Variants in TULP4 observed in about 807,000 individuals in gnomAD.
The protein encoded by TULP4 is tubby-related protein 4.
In TULP4, 16 loss-of-function variants were observed where a neutral mutation model predicts 129.0. The observed-to-expected ratio is 0.12, with a 90% CI of 0.08 to 0.19. The LOEUF is 0.19. TULP4 is among the 10% of genes least tolerant of loss of function. The pLI, the probability that TULP4 is intolerant of heterozygous loss-of-function variation, is 1.00. For missense variants in TULP4, 1,842 were observed against 2,059.1 expected (o/e 0.89, Z 2.04); for synonymous variants, 998 against 854.0 (o/e 1.17, Z -2.94).
At chr6:158,294,486 G>A (rs1380117888) in intron 1 of TULP4, among the ~76,000 whole-genome samples, 1 of 152,188 alleles carries the variant, frequency 6.6e-6, no homozygotes, top group Non-Finnish European at 1.5e-5. Flanking sequence ...GGAGGCCTGG[G>A]TGTGGAGAGG....
chr6:158,259,447 A>G (rs968170345), intron 1 of TULP4, among the ~76,000 whole-genome samples: 10 of 152,202 alleles, frequency 6.6e-5, no homozygotes, highest in African/African-American at 2.2e-4. Context: ...TGAGAACTCT[A>G]TGGAATTCAG....
intron 1 of TULP4, among the ~76,000 whole-genome samples, chr6:158,369,183 G>A (rs1034507153): frequency 1.3e-5 from 2 of 152,110 alleles, no homozygotes; most frequent in Admixed American, 6.5e-5. Flanking sequence ...TACAAGGGAG[G>A]AAAATTGAGT....
chr6:158,365,895 C>CTT (rs1780938521), intron 1 of TULP4, among the ~76,000 whole-genome samples: 2 of 78,304 alleles, frequency 2.6e-5, no homozygotes, highest in Admixed American at 1.5e-4. Context: ...TTTTCTTTTT[C>CTT]TTTCTTTTTT....
chr6:158,235,387 A>G (rs1346300044), intron 1 of TULP4, among the ~76,000 whole-genome samples: 1 of 151,562 alleles, frequency 6.6e-6, no homozygotes. Context: ...GAATTTGACT[A>G]CTCTAGGTAC....
chr6:158,265,333 T>C (rs1411017015), intron 1 of TULP4, among the ~76,000 whole-genome samples: 1 of 152,158 alleles, frequency 6.6e-6, no homozygotes, highest in Non-Finnish European at 1.5e-5. Context: ...TACTTGCTTA[T>C]TTAGAGCTTA....
Position 158,502,818 on chromosome 6 carries a change from C to T in TULP4, c.3155C>T (p.Ser1052Phe). 6.2e-7 allele frequency: 1 copy of T among 1,612,546 alleles called. No individual in the cohort carries two copies. The highest frequency in any genetic ancestry group is 8.5e-7 in the Non-Finnish European group (1 of 1,179,872). The change falls in exon 13 of 14, where the codon TCC becomes TTC. Residue 1052 changes from serine to phenylalanine, a missense_variant. By Grantham distance (155) the Ser-to-Phe change is radical. Around this residue, in one of 5 missense-constraint regions of TULP4, gnomAD observed 1,089 missense variants for 987.1 expected, o/e 1.10. Coordinates refer to ENST00000367097, the MANE Select transcript of TULP4 (RefSeq NM_020245.5). ...GTGPSSQPGA[S>F]LAHTASASPL... ...GGGCCCAGCTCACAGCCCGGAGCCT[C>T]CCTGGCCCATACCGCCAGCGCCTCC...
intron 1 of TULP4, among the ~76,000 whole-genome samples, chr6:158,284,462 G>GAT (rs771407767): frequency 1.3e-5 from 2 of 152,310 alleles, no homozygotes; most frequent in Non-Finnish European, 2.9e-5. Context: ...GAAGAGCTGG[G>GAT]GATATGCTGA....
At chr6:158,232,927 C>G (rs979065579) in intron 1 of TULP4, among the ~76,000 whole-genome samples, 1 of 152,246 alleles carries the variant, frequency 6.6e-6, no homozygotes, top group Non-Finnish European at 1.5e-5. Context: ...TGTCTGGAGT[C>G]TGTGCTGTTT....
chr6:158,493,807 C>T lies in TULP4; in HGVS notation c.1776+90C>T. 7.2e-7 allele frequency: 1 copy of T among 1,383,334 alleles called. No homozygotes were observed. The highest frequency in any genetic ancestry group is 9.6e-7 in the Non-Finnish European group (1 of 1,044,598). 85.7% of individuals were successfully genotyped at this position (1,383,334 alleles called of 1,614,324 possible). ...TCCTACCCGCCGCCTGCACTGCTCA[C>T]TGCCACCATGGGTCCCTGAGCTCTG... On this transcript the variant is annotated intron_variant, in intron 10 of 13. Coordinates refer to ENST00000367097, the MANE Select transcript of TULP4 (RefSeq NM_020245.5). This position sits in a 1 kb window ranked among gnomAD's most constrained non-coding sequence, Gnocchi z 4.4.
At chr6:158,340,612 C>G (rs768468701) in intron 1 of TULP4, among the ~76,000 whole-genome samples, 1 of 152,192 alleles carries the variant, frequency 6.6e-6, no homozygotes, top group Non-Finnish European at 1.5e-5. Context: ...GCCTGCCCTC[C>G]TGGAGTTCCC....
chr6:158,413,190 G>A lies in TULP4; in HGVS notation c.378G>A (p.Ala126=), dbSNP rs145080677. 4.5e-4 allele frequency: 723 copies of A among 1,610,936 alleles called. 1 individual carries two copies. The highest frequency in any genetic ancestry group is 5.5e-4 in the Non-Finnish European group (648 of 1,177,786). The change falls in exon 2 of 14, where the codon GCG becomes GCA. Residue 126 remains alanine (A), a synonymous_variant. Coordinates refer to ENST00000367097, the MANE Select transcript of TULP4 (RefSeq NM_020245.5). This position sits in a 1 kb window ranked among gnomAD's most constrained non-coding sequence, Gnocchi z 4.9. ...TGGAGCTGGTCAACGACCGCGGGGC[G>A]CAGGTGAGTGGCAGGCGCAGCTCTG... ...WSVELVNDRG[A]QVSDFTWSHD... is the part of the protein sequence containing the mutation.
intron 1 of TULP4, among the ~76,000 whole-genome samples, chr6:158,298,603 C>G (rs1278852037): frequency 2.6e-5 from 4 of 152,180 alleles, no homozygotes; most frequent in Non-Finnish European, 4.4e-5. Flanking sequence ...CAACATTATA[C>G]TTTTCCTGGA....
intron 1 of TULP4, among the ~76,000 whole-genome samples, chr6:158,237,016 G>C (rs187126102): frequency 2.9e-4 from 44 of 151,540 alleles, no homozygotes; most frequent in African/African-American, 1.0e-3. Flanking sequence ...TCACTGTGTT[G>C]GCCAGGCTGG....
intron 5 of TULP4, 117 bp from the exon 6 acceptor site, chr6:158,461,446 T>A: frequency 1.0e-6 from 1 of 974,624 alleles, no homozygotes; most frequent in Non-Finnish European, 1.5e-6. Flanking sequence ...CATGAATATA[T>A]TTTTGTTGTA....
Position 158,502,334 on chromosome 6 carries a change from T to G in TULP4, c.2671T>G (p.Phe891Val). ...TPLGYERITT[F>V]DSSGNVEEVC... ...CCTGGGCTATGAGAGGATCACCACCTTCGACAGCAGTGGCAACGTGGAGGA... is the reference window on the plus strand; with the variant it reads ...CCTGGGCTATGAGAGGATCACCACCGTCGACAGCAGTGGCAACGTGGAGGA... The change falls in exon 13 of 14, where the codon TTC becomes GTC. Residue 891 changes from phenylalanine (F) to valine (V), a missense_variant. This residue lies in a region of TULP4 where 1,089 missense variants were observed against 987.1 expected (regional missense o/e 1.10). Transcript: ENST00000367097. 6.2e-7 allele frequency: 1 copy of G among 1,612,674 alleles called. No homozygotes were observed. The highest frequency in any genetic ancestry group is 8.5e-7 in the Non-Finnish European group (1 of 1,179,720).
At chr6:158,409,597 CA>C (rs1432764989) in intron 1 of TULP4, among the ~76,000 whole-genome samples, 1 of 152,102 alleles carries the variant, frequency 6.6e-6, no homozygotes, top group African/African-American at 2.4e-5. Flanking sequence ...CTAACATTGC[CA>C]AATAGGCTGG....
intron 1 of TULP4, among the ~76,000 whole-genome samples, chr6:158,358,728 C>T (rs1780702450): frequency 1.3e-5 from 2 of 152,182 alleles, no homozygotes; most frequent in African/African-American, 4.8e-5. Context: ...TCATGGAAAA[C>T]TCTAGTGTGA....
intron 1 of TULP4, among the ~76,000 whole-genome samples, chr6:158,354,362 G>A (rs749040786): frequency 3.9e-5 from 6 of 152,074 alleles, no homozygotes; most frequent in Admixed American, 1.3e-4. Flanking sequence ...TGTCATTACC[G>A]AACAAGTGAA....
intron 1 of TULP4, among the ~76,000 whole-genome samples, chr6:158,404,755 G>A (rs1239153014): frequency 2.4e-5 from 3 of 127,352 alleles, no homozygotes; most frequent in East Asian, 2.2e-4. Flanking sequence ...CAGCCTGAGC[G>A]ACAGAGGAGA....
Sources: gnomAD v4.1 joint callset for allele counts (sites outside exome capture counted in the v4.1 genomes callset) on GRCh38, gnomAD v4.1.1 for gene constraint, gnomAD v4.1.1 regional missense constraint, Gnocchi (gnomAD v3.1) non-coding constraint, MANE v1.5 for transcripts, NCBI Gene and HGNC (gene_info 2026-07-23, HGNC 2026-07-21) for gene names.